PPFIA2: variants seen among roughly 807,000 people sequenced by gnomAD.
PPFIA2 encodes the protein liprin-alpha-2.
A neutral mutation model predicts 175.5 loss-of-function variants in PPFIA2; 46 were observed. That is an observed-to-expected ratio of 0.26 (90% confidence interval 0.21 to 0.34). The LOEUF is 0.34. Among genes scored for constraint, PPFIA2 ranks in the 10% least tolerant of loss-of-function variants. The pLI is 1.00. For synonymous variants in PPFIA2, 568 were observed against 511.4 expected, an observed-to-expected ratio of 1.11 and a Z score of -1.49; for missense variants, 1,179 against 1,506.1, an observed-to-expected ratio of 0.78 and a Z score of 3.60.
At chr12:81,462,099 G>GT (rs994990609) in intron 4 of PPFIA2, among the ~76,000 whole-genome samples, 21 of 150,848 alleles carry the variant, frequency 1.4e-4, no homozygotes, top group Admixed American at 9.3e-4. Flanking sequence ...ATTATTGGAG[G>GT]TTTTTTTTAA....
intron 4 of PPFIA2, among the ~76,000 whole-genome samples, chr12:81,522,822 T>A (rs556411209): frequency 1.3e-5 from 2 of 152,210 alleles, no homozygotes; most frequent in Admixed American, 6.5e-5. Flanking sequence ...TGTCCTATGA[T>A]CCTCACTCAC....
intron 4 of PPFIA2, among the ~76,000 whole-genome samples, chr12:81,561,524 A>T (rs2070079941): frequency 6.6e-6 from 1 of 152,176 alleles, no homozygotes; most frequent in African/African-American, 2.4e-5. Flanking sequence ...CCCCAAAAAA[A>T]ACGTTAAGCA....
chr12:81,369,058 A>G, intron 12 of PPFIA2, 53 bp downstream of exon 12: 1 of 1,434,752 alleles, frequency 7.0e-7, no homozygotes. Context: ...TTATATACAG[A>G]ATACGAATTC....
At chr12:81,467,453 C>T (rs1249811639) in intron 4 of PPFIA2, among the ~76,000 whole-genome samples, 1 of 152,170 alleles carries the variant, frequency 6.6e-6, no homozygotes, top group African/African-American at 2.4e-5. Context: ...CTGTGGGAGG[C>T]CAAGGCGAGC....
chr12:81,336,378 G>A (rs1323164553), intron 21 of PPFIA2, among the ~76,000 whole-genome samples: 3 of 152,108 alleles, frequency 2.0e-5, no homozygotes, highest in Non-Finnish European at 4.4e-5. Flanking sequence ...CAGACATATT[G>A]TTGCACATAT....
At chr12:81,478,942 C>T (rs1322183877) in intron 4 of PPFIA2, among the ~76,000 whole-genome samples, 2 of 151,990 alleles carry the variant, frequency 1.3e-5, no homozygotes, top group African/African-American at 4.8e-5. Context: ...TCCACTTGGT[C>T]CAGAGCTGAA....
intron 4 of PPFIA2, among the ~76,000 whole-genome samples, chr12:81,528,309 G>A (rs917634355): frequency 7.9e-5 from 12 of 152,002 alleles, no homozygotes; most frequent in Non-Finnish European, 1.2e-4. Context: ...ATTCAGAAGC[G>A]CAACAAAATG....
intron 9 of PPFIA2, among the ~76,000 whole-genome samples, chr12:81,383,202 G>A (rs2141975446): frequency 6.6e-6 from 1 of 152,092 alleles, no homozygotes; most frequent in African/African-American, 2.4e-5. Flanking sequence ...ATAGAATAGG[G>A]CCAACTTGAT....
At chr12:81,367,224 A>G (rs1165716217) in intron 13 of PPFIA2, 54 bp from the exon 14 acceptor site, 9 of 1,112,908 alleles carry the variant, frequency 8.1e-6, no homozygotes, top group African/African-American at 6.5e-5. Context: ...AAAATACTTA[A>G]AAATATATTG....
intron 5 of PPFIA2, among the ~76,000 whole-genome samples, chr12:81,453,928 T>C (rs1434641112): frequency 6.6e-6 from 1 of 152,040 alleles, no homozygotes; most frequent in East Asian, 1.9e-4. Flanking sequence ...ATTACAAAAA[T>C]TTAAATAGGC....
chr12:81,692,671 A>G (rs2075393907), intron 3 of PPFIA2, among the ~76,000 whole-genome samples: 1 of 152,142 alleles, frequency 6.6e-6, no homozygotes, highest in Admixed American at 6.6e-5. Context: ...CGATGTTAGA[A>G]AAACAATAAT....
intron 4 of PPFIA2, among the ~76,000 whole-genome samples, chr12:81,641,264 TTAAC>T (rs1333186024): frequency 6.6e-6 from 1 of 152,186 alleles, no homozygotes; most frequent in Non-Finnish European, 1.5e-5. Context: ...TTAAAATAAT[TTAAC>T]TAGGCTTTTC....
chr12:81,577,298 T>A (rs768672010), intron 4 of PPFIA2, among the ~76,000 whole-genome samples: 1 of 151,906 alleles, frequency 6.6e-6, no homozygotes, highest in Non-Finnish European at 1.5e-5. Flanking sequence ...ATTCTTTTAT[T>A]GTTTTCCTCC....
rs186534195 is a variant in PPFIA2, at chr12:81,722,484, T to C, written c.249+31489A>G. ...CCTTTATTAAAATTACAGGTAGTTA[T>C]GCTTTTGTAGTTTCTCCCTAAAATT... On this transcript the variant is annotated intron_variant, in intron 3 of 32. Coordinates refer to ENST00000549396, the MANE Select transcript of PPFIA2 (RefSeq NM_003625.5). 9.9e-5 allele frequency among the ~76,000 whole-genome samples: 15 copies of C among 151,272 alleles called. No homozygotes were observed. In the East Asian group the frequency reaches 2.9e-3, roughly 29 times the overall value.
intron 27 of PPFIA2, 51 bp downstream of exon 27, chr12:81,281,206 T>C: frequency 7.3e-7 from 1 of 1,366,272 alleles, no homozygotes. Flanking sequence ...ATAGGTAATA[T>C]ATTGTTTCAT....
At chr12:81,462,585 C>CATATATATATATATATATAT (rs71098145) in intron 4 of PPFIA2, among the ~76,000 whole-genome samples, 1 of 124,680 alleles carries the variant, frequency 8.0e-6, no homozygotes, top group African/African-American at 2.9e-5. Flanking sequence ...TATATATATA[C>CATATATATATATATATATAT]ATATATATAT....
At chr12:81,274,626 G>T (rs1220352523) in intron 28 of PPFIA2, among the ~76,000 whole-genome samples, 3 of 151,976 alleles carry the variant, frequency 2.0e-5, no homozygotes, top group Admixed American at 6.6e-5. Context: ...ACAATAAATG[G>T]CTAGAAATCA....
At chr12:81,515,604 A>T (rs951091399) in intron 4 of PPFIA2, among the ~76,000 whole-genome samples, 1 of 152,074 alleles carries the variant, frequency 6.6e-6, no homozygotes, top group Non-Finnish European at 1.5e-5. Context: ...TCATCAGCTT[A>T]GATGCTTATA....
intron 4 of PPFIA2, among the ~76,000 whole-genome samples, chr12:81,493,992 C>T (rs566306417): frequency 2.0e-5 from 3 of 151,628 alleles, no homozygotes; most frequent in Non-Finnish European, 2.9e-5. Flanking sequence ...CATAAAAACC[C>T]TAGAAGAAAA....
Sources: gnomAD v4.1 joint callset for allele counts (sites outside exome capture counted in the v4.1 genomes callset) on GRCh38, gnomAD v4.1.1 for gene constraint, MANE v1.5 for transcripts, NCBI Gene and HGNC (gene_info 2026-07-23, HGNC 2026-07-21) for gene names.